SEC16B: variants seen among roughly 807,000 people sequenced by gnomAD.
The protein encoded by SEC16B is SEC16 homolog B, endoplasmic reticulum export factor.
SEC16B carries 115 observed loss-of-function variants against 141.8 expected under a neutral mutation model. That is an observed-to-expected ratio of 0.81 (90% CI 0.70 to 0.95). The LOEUF (loss-of-function observed/expected upper bound fraction) is 0.95, where lower values mean the gene tolerates loss of function less well. SEC16B is among the 40% of genes least tolerant of loss of function. The probability of loss-of-function intolerance (pLI) is 0.00; values close to 1 mark genes in which losing one functional copy is unlikely to be tolerated. For synonymous variants in SEC16B, 493 were observed against 492.5 expected (o/e 1.00, Z -0.01); for missense variants, 1,291 against 1,312.3 (o/e 0.98, Z 0.25).
chr1:177,966,255 C>G (rs1405363044), intron 2 of SEC16B, among the ~76,000 whole-genome samples: 1 of 152,132 alleles, frequency 6.6e-6, no homozygotes, highest in Non-Finnish European at 1.5e-5. Flanking sequence ...TTCTAAAAAC[C>G]TCTTTTTTAT....
At chr1:177,959,297 C>T (rs1006596709) in intron 8 of SEC16B, 33 of 366,824 alleles carry the variant, frequency 9.0e-5, no homozygotes, top group African/African-American at 4.2e-4. Flanking sequence ...GGCTCTGCCA[C>T]TTCTCTGTTT....
In SEC16B at chr1:177,929,647, T is replaced by C. The variant is rs1650264956; in HGVS notation, c.*211A>G. 2 of 578,826 alleles carry C rather than the reference T, an allele frequency of 3.5e-6. No homozygotes were observed. Among genetic ancestry groups the C allele is most frequent in the East Asian group, 2.9e-5 (1 of 34,260 alleles). 35.9% of individuals were successfully genotyped at this position (578,826 alleles called of 1,614,324 possible). On this transcript the variant is annotated 3_prime_UTR_variant, in exon 26 of 26. Coordinates refer to ENST00000308284, the MANE Select transcript of SEC16B (RefSeq NM_033127.4). The stretch of plus-strand genomic sequence containing the variant: ...CCAGACTTTCCACCTGATGAAATAA[T>C]TTCCATCATTGTGAAGCTAATCTTA...
chr1:177,965,338 G>A (rs369986459), intron 3 of SEC16B, among the ~76,000 whole-genome samples, 171 bp from the exon 4 acceptor site: 15 of 152,002 alleles, frequency 9.9e-5, no homozygotes, highest in East Asian at 3.9e-4. Flanking sequence ...TCCATAGGAC[G>A]CCTCTCAGTC....
At chr1:177,930,826 A>G (rs1179068918) in intron 24 of SEC16B, among the ~76,000 whole-genome samples, 183 bp from the exon 25 acceptor site, 2 of 152,240 alleles carry the variant, frequency 1.3e-5, no homozygotes, top group Non-Finnish European at 2.9e-5. Flanking sequence ...CAATAAACAA[A>G]TGAAAAAAAT....
chr1:177,941,590 G>C (rs1191759237), intron 16 of SEC16B, among the ~76,000 whole-genome samples: 1 of 152,086 alleles, frequency 6.6e-6, no homozygotes, highest in East Asian at 1.9e-4. Context: ...TTTATAATTA[G>C]AATGGTTCAC....
chr1:177,954,223 C>T, intron 11 of SEC16B, 56 bp downstream of exon 11: 1 of 1,323,096 alleles, frequency 7.6e-7, no homozygotes, highest in Non-Finnish European at 1.1e-6. Context: ...CATCCTCCAC[C>T]TTTGGTGAGG....
In SEC16B at chr1:177,928,887, T is replaced by A. The variant is rs1198510820; in HGVS notation, c.*971A>T. ...TTACAATTACATGTACAAAAAAAAA[T>A]GTTCTTTGTGAGGAGCAATTTTCAG... On this transcript the variant is annotated 3_prime_UTR_variant, in exon 26 of 26. Coordinates refer to ENST00000308284, the MANE Select transcript of SEC16B (RefSeq NM_033127.4). The A allele has an allele frequency of 6.6e-6, 1 of 151,974 alleles. No homozygotes were observed. Among genetic ancestry groups the A allele is most frequent in the East Asian group, 1.9e-4 (1 of 5,192 alleles). The allele number at this position is 151,974 out of a possible 1,614,324, so 9.4% of individuals were successfully genotyped here.
rs752373222 is a variant in SEC16B at position 177,932,802 on chromosome 1, G to T, written c.2828C>A (p.Thr943Asn). 19 of 1,610,124 alleles carry T rather than the reference G, an allele frequency of 1.2e-5. No homozygotes were observed. The South Asian group carries it at 1.9e-4, about 16-fold the overall frequency. ...DSSDSPDSEE[T>N]PRASSPHQAG... ...CTGGTGGGGAGAAGATGCTCTGGGG[G>T]TCTCCTGCTTTGTGGAGAAAGAAAG... Residue 943 changes from threonine to asparagine, a missense_variant, in exon 23 of 26, where the codon ACC becomes AAC. By Grantham distance (65) the Thr-to-Asn change is moderately conservative. Coordinates refer to ENST00000308284, the MANE Select transcript of SEC16B (RefSeq NM_033127.4).
rs746589628 is a variant in SEC16B, at chr1:177,965,875, T to A, written c.412+18A>T. The A allele has an allele frequency of 3.5e-5, 52 of 1,499,030 alleles. 2 individuals carry two copies. In the South Asian group the frequency reaches 6.1e-4, roughly 18 times the overall value. 92.9% of individuals were successfully genotyped at this position (1,499,030 alleles called of 1,614,324 possible). On this transcript the variant is annotated intron_variant, in intron 3 of 25. Transcript: ENST00000308284. ...CCCATCCCCAAATCCCAGAGGCTTC[T>A]TGGAGACTTTTCCATACCTCTTTCT... is the stretch of plus-strand genomic sequence containing the variant.
At chr1:177,981,706 G>T (rs1298383200) in intron 1 of SEC16B, among the ~76,000 whole-genome samples, 1 of 152,132 alleles carries the variant, frequency 6.6e-6, no homozygotes, top group African/African-American at 2.4e-5. Flanking sequence ...AGAGGGAAAG[G>T]CAGCCAACTA....
In SEC16B at chr1:177,967,698, T is replaced by TA; in HGVS notation, c.283_284insT (p.Asn95IlefsTer10). On this transcript the variant is annotated frameshift_variant, in exon 2 of 26. Coordinates refer to ENST00000308284, the MANE Select transcript of SEC16B (RefSeq NM_033127.4). LOFTEE classifies it high-confidence loss of function. ...AAAGCCATACCTTGAATACAACTGA[T>TA]TGCGATAACCACCTTCGTAATAGTC... is the stretch of plus-strand genomic sequence containing the variant. The TA allele has an allele frequency of 6.2e-7, 1 of 1,601,318 alleles. No individual in the cohort carries two copies. Among genetic ancestry groups the TA allele is most frequent in the South Asian group, 1.1e-5 (1 of 89,792 alleles).
chr1:177,966,686 C>T (rs1653547693), intron 2 of SEC16B, among the ~76,000 whole-genome samples: 1 of 152,092 alleles, frequency 6.6e-6, no homozygotes, highest in Non-Finnish European at 1.5e-5. Flanking sequence ...CCGTCTCTAC[C>T]CAGGTAGCTG....
In SEC16B at chr1:177,966,795, G is replaced by T. The variant is rs1113415; in HGVS notation, c.300-790C>A. On this transcript the variant is annotated intron_variant, in intron 2 of 25. Transcript: ENST00000308284. ...TCACCATGTTGACCAGGCTGGTCTC[G>T]AACTCCCAACCTCAGATGATCTGCC... Among the ~76,000 whole-genome samples, 8 of 151,966 alleles carry T rather than the reference G, an allele frequency of 5.3e-5. No homozygotes were observed. In the South Asian group the frequency reaches 1.5e-3, roughly 28 times the overall value.
chr1:177,967,678 CA>C lies in SEC16B; in HGVS notation c.299+4del. 1 of 1,582,780 alleles carries C rather than the reference CA, an allele frequency of 6.3e-7. No homozygotes were observed. Among genetic ancestry groups the C allele is most frequent in the Non-Finnish European group, 8.6e-7 (1 of 1,160,370 alleles). ...TTGCATTCATTCCAAGCCCTAAAGC[CA>C]TACCTTGAATACAACTGATTGCGAT... is the stretch of plus-strand genomic sequence containing the variant. On this transcript the variant is annotated splice_donor_region_variant and intron_variant, in intron 2 of 25. Coordinates refer to ENST00000308284, the MANE Select transcript of SEC16B (RefSeq NM_033127.4).
chr1:177,961,096 T>C, intron 6 of SEC16B, 157 bp from the exon 7 acceptor site: 1 of 720,280 alleles, frequency 1.4e-6, no homozygotes, highest in Non-Finnish European at 2.3e-6. Context: ...CCATGTTCCC[T>C]GCTCCAGTCA....
At chr1:177,953,864 T>G (rs1003196708) in intron 11 of SEC16B, among the ~76,000 whole-genome samples, 1 of 151,942 alleles carries the variant, frequency 6.6e-6, no homozygotes, top group Non-Finnish European at 1.5e-5. Flanking sequence ...ACCCCCACCC[T>G]ACTCTCAGTA....
intron 15 of SEC16B, among the ~76,000 whole-genome samples, chr1:177,942,341 A>C (rs986438053): frequency 5.9e-5 from 9 of 152,202 alleles, no homozygotes; most frequent in Non-Finnish European, 1.2e-4. Flanking sequence ...ACATATCCAG[A>C]GAGTCTGATG....
intron 12 of SEC16B, chr1:177,948,619 A>G (rs1651925470): frequency 7.7e-7 from 1 of 1,303,418 alleles, no homozygotes; most frequent in Non-Finnish European, 1.0e-6. Context: ...TTTCCCCACA[A>G]TCTCTCCCTA....
intron 1 of SEC16B, among the ~76,000 whole-genome samples, chr1:177,981,430 A>C (rs190118777): frequency 2.8e-4 from 43 of 152,180 alleles, no homozygotes; most frequent in African/African-American, 9.4e-4. Context: ...CTGTGAAAGA[A>C]GGATGTTTCT....
Sources: gnomAD v4.1 joint callset for allele counts (sites outside exome capture counted in the v4.1 genomes callset) on GRCh38, gnomAD v4.1.1 for gene constraint, MANE v1.5 for transcripts, NCBI Gene and HGNC (gene_info 2026-07-23, HGNC 2026-07-21) for gene names.